The following GNAO1 variants were observed in gnomAD, a reference collection of about 807,000 sequenced individuals.
The protein encoded by GNAO1 is guanine nucleotide-binding protein G(o) subunit alpha.
For synonymous variants in GNAO1, 164 were observed against 180.7 expected (o/e 0.91, Z 0.74); for missense variants, 166 against 478.7 (o/e 0.35, Z 6.10).
intron 2 of GNAO1, among the ~76,000 whole-genome samples, chr16:56,210,650 G>T (rs890356080): frequency 6.6e-6 from 1 of 152,126 alleles, no homozygotes; most frequent in African/African-American, 2.4e-5. Flanking sequence ...AGAGAAATTT[G>T]GATTTCTCTA....
intron 2 of GNAO1, among the ~76,000 whole-genome samples, chr16:56,265,911 AG>A (rs1596830247): frequency 6.6e-6 from 1 of 152,192 alleles, no homozygotes; most frequent in East Asian, 1.9e-4. Flanking sequence ...ATCACTCACT[AG>A]GTTCAAGCCC....
intron 2 of GNAO1, among the ~76,000 whole-genome samples, chr16:56,210,820 C>T (rs2036379435): frequency 6.6e-6 from 1 of 152,118 alleles, no homozygotes; most frequent in African/African-American, 2.4e-5. Flanking sequence ...GGATAACAGC[C>T]TTTTATCTGG....
At chr16:56,308,033 G>T (rs2037414960) in intron 3 of GNAO1, 1 of 152,206 alleles carries the variant, frequency 6.6e-6, no homozygotes, top group African/African-American at 2.4e-5. Context: ...TCCTTGGAAG[G>T]TAAGAAGAAG....
intron 2 of GNAO1, among the ~76,000 whole-genome samples, chr16:56,214,203 C>T (rs1216243501): frequency 5.9e-5 from 9 of 152,270 alleles, no homozygotes; most frequent in African/African-American, 2.2e-4. Context: ...GTGGAGGAGG[C>T]TCTCATTGCT....
chr16:56,303,749 C>A, intron 3 of GNAO1, among the ~76,000 whole-genome samples: 1 of 152,166 alleles, frequency 6.6e-6, no homozygotes, highest in Admixed American at 6.5e-5. Context: ...TTGTCCCCGG[C>A]AGTCACTGTA....
In GNAO1 at chr16:56,247,257, G is replaced by A. The variant is rs191420964; in HGVS notation, c.162-28674G>A. Among the ~76,000 whole-genome samples the A allele has an allele frequency of 2.8e-4, 43 of 152,286 alleles. No individual in the cohort carries two copies. The East Asian group carries it at 7.7e-3, about 27-fold the overall frequency. On this transcript the variant is annotated intron_variant, in intron 2 of 8. Transcript: ENST00000262493. ...CCCTGCTGTCTCCCTGTCTTGGGGT[G>A]CACAGTTTCCTTTACCTGGAATAAC...
chr16:56,306,311 C>A (rs3790099), intron 3 of GNAO1, among the ~76,000 whole-genome samples: 2 of 152,098 alleles, frequency 1.3e-5, no homozygotes, highest in African/African-American at 4.8e-5. Flanking sequence ...TGGGAAATCC[C>A]CTTCATCGTT....
At chr16:56,241,132 T>C (rs1471908070) in intron 2 of GNAO1, among the ~76,000 whole-genome samples, 1 of 152,240 alleles carries the variant, frequency 6.6e-6, no homozygotes, top group Non-Finnish European at 1.5e-5. Context: ...ATGCAGTTCT[T>C]TGCCACAGGC....
chr16:56,264,011 G>T (rs912190269), intron 2 of GNAO1, among the ~76,000 whole-genome samples: 10 of 152,226 alleles, frequency 6.6e-5, no homozygotes, highest in African/African-American at 1.9e-4. Context: ...CATGAAAAAG[G>T]CAGTGGCTGG....
intron 2 of GNAO1, among the ~76,000 whole-genome samples, chr16:56,240,737 G>C (rs2143425913): frequency 6.6e-6 from 1 of 152,224 alleles, no homozygotes; most frequent in African/African-American, 2.4e-5. Flanking sequence ...GGCTCAGGGT[G>C]CCTCATAGCT....
intron 2 of GNAO1, among the ~76,000 whole-genome samples, chr16:56,194,960 A>G (rs1269436182): frequency 6.6e-6 from 1 of 152,130 alleles, no homozygotes; most frequent in Non-Finnish European, 1.5e-5. Flanking sequence ...TCCCCAGGAA[A>G]GTCCTCTGTG....
intron 2 of GNAO1, among the ~76,000 whole-genome samples, chr16:56,255,905 A>G (rs1490029376): frequency 4.6e-5 from 7 of 152,180 alleles, no homozygotes; most frequent in Non-Finnish European, 1.0e-4. Context: ...ACAGGGACTC[A>G]CCTGCAATAG....
chr16:56,345,988 T>G (rs1596878944), intron 6 of GNAO1: 1 of 985,100 alleles, frequency 1.0e-6, no homozygotes, highest in Non-Finnish European at 1.2e-6. Flanking sequence ...CCAGGCTGGG[T>G]CCAGGCCTCC....
chr16:56,199,160 G>A (rs1001163173), intron 2 of GNAO1, among the ~76,000 whole-genome samples: 1 of 152,172 alleles, frequency 6.6e-6, no homozygotes, highest in African/African-American at 2.4e-5. Flanking sequence ...CATGAATTAT[G>A]GTTTTATCCC....
chr16:56,224,303 C>A (rs527626429), intron 2 of GNAO1, among the ~76,000 whole-genome samples: 1 of 152,170 alleles, frequency 6.6e-6, no homozygotes, highest in African/African-American at 2.4e-5. Flanking sequence ...TTTCTTCCTG[C>A]AGTGGCCTTT....
At chr16:56,349,051 C>G (rs2037898659) in intron 6 of GNAO1, among the ~76,000 whole-genome samples, 1 of 152,222 alleles carries the variant, frequency 6.6e-6, no homozygotes, top group African/African-American at 2.4e-5. Flanking sequence ...CCAGGCAGTA[C>G]TGACTGGAGG....
intron 6 of GNAO1, chr16:56,340,669 TGTCCTTGTGG>T: frequency 1.5e-6 from 1 of 669,242 alleles, no homozygotes; most frequent in South Asian, 1.8e-5. Flanking sequence ...ACGTCCCGTC[TGTCCTTGTGG>T]GTCCTCCCGT....
At chr16:56,272,679 C>T (rs554819336) in intron 2 of GNAO1, among the ~76,000 whole-genome samples, 2 of 152,196 alleles carry the variant, frequency 1.3e-5, no homozygotes, top group Non-Finnish European at 2.9e-5. Context: ...GATATTGGGG[C>T]AATTACTTAT....
chr16:56,220,466 C>G (rs568152591), intron 2 of GNAO1, among the ~76,000 whole-genome samples: 37 of 152,234 alleles, frequency 2.4e-4, no homozygotes, highest in African/African-American at 8.9e-4. Flanking sequence ...AGTTTGGGGT[C>G]CAAAACTGAG....
Sources: gnomAD v4.1 joint callset for allele counts (sites outside exome capture counted in the v4.1 genomes callset) on GRCh38, gnomAD v4.1.1 for gene constraint, MANE v1.5 for transcripts, NCBI Gene and HGNC (gene_info 2026-07-23, HGNC 2026-07-21) for gene names.